Variants in SHANK2 observed in about 807,000 individuals in gnomAD.
SHANK2 encodes the protein SH3 and multiple ankyrin repeat domains protein 2.
SHANK2 carries 43 observed loss-of-function variants against 133.7 expected under a neutral mutation model. That is an observed-to-expected ratio of 0.32 (90% confidence interval 0.25 to 0.41). The LOEUF (loss-of-function observed/expected upper bound fraction) is 0.41, where lower values mean the gene tolerates loss of function less well. Ranked by LOEUF, SHANK2 falls within the 10% of genes least tolerant of loss-of-function variation. The pLI is 1.00. For missense variants in SHANK2, 1,994 were observed against 2,235.8 expected (o/e 0.89, Z 2.18); for synonymous variants, 1,017 against 952.8 (o/e 1.07, Z -1.24).
At chr11:70,612,118 G>A (rs1364960743) in intron 17 of SHANK2, among the ~76,000 whole-genome samples, 3 of 152,172 alleles carry the variant, frequency 2.0e-5, no homozygotes, top group Admixed American at 1.3e-4. Context: ...AGTTGCCTGC[G>A]ACTCCTGCCT....
At chr11:70,766,628 T>C (rs1217280726) in intron 14 of SHANK2, among the ~76,000 whole-genome samples, 3 of 152,200 alleles carry the variant, frequency 2.0e-5, no homozygotes, top group Non-Finnish European at 4.4e-5. Flanking sequence ...AATCAAACAA[T>C]AGAGCAGTGT....
chr11:70,816,332 G>A (rs541765951), intron 12 of SHANK2, among the ~76,000 whole-genome samples: 49 of 152,360 alleles, frequency 3.2e-4, no homozygotes, highest in African/African-American at 1.2e-3. Context: ...TAGCCCTGGC[G>A]GTCAGCACTG....
Position 70,748,908 on chromosome 11 carries a change from T to G in SHANK2, c.1777+49535A>C, listed in dbSNP as rs140929741. On this transcript the variant is annotated intron_variant, in intron 14 of 25. Coordinates refer to ENST00000601538, the MANE Select transcript of SHANK2 (RefSeq NM_012309.5). ...CAGATTAAAAGCCAGCACTGGAGAG[T>G]GCTGCCCTTAGGACACTGTAGAACA... is the stretch of plus-strand genomic sequence containing the variant. Among the ~76,000 whole-genome samples the G allele has an allele frequency of 7.2e-3, 1,092 of 152,172 alleles. 19 individuals carry two copies. Among genetic ancestry groups the G allele is most frequent in the African/African-American group, 0.025 (1,028 of 41,492 alleles).
intron 1 of SHANK2, among the ~76,000 whole-genome samples, chr11:71,226,361 CAGA>C (rs1187335381): frequency 3.3e-5 from 5 of 152,014 alleles, no homozygotes; most frequent in African/African-American, 9.7e-5. Context: ...TTTGAAATCC[CAGA>C]AGGAGAGAGA....
intron 14 of SHANK2, among the ~76,000 whole-genome samples, chr11:70,771,251 G>A (rs1439287938): frequency 3.3e-5 from 5 of 152,178 alleles, no homozygotes; most frequent in Admixed American, 6.5e-5. Flanking sequence ...ATAAAAGACG[G>A]CTTCTTGCCA....
intron 9 of SHANK2, among the ~76,000 whole-genome samples, chr11:71,059,090 G>A (rs1950956910): frequency 6.6e-6 from 1 of 152,190 alleles, no homozygotes; most frequent in Admixed American, 6.5e-5. Context: ...GGTGGCAGGT[G>A]CCTGTAATCC....
intron 7 of SHANK2, among the ~76,000 whole-genome samples, chr11:71,093,643 G>C (rs1461724165): frequency 8.5e-5 from 13 of 152,154 alleles, no homozygotes; most frequent in African/African-American, 2.9e-4. Context: ...CACCATGATT[G>C]GAAACTTCCT....
intron 14 of SHANK2, among the ~76,000 whole-genome samples, chr11:70,728,673 G>T (rs554430032): frequency 6.6e-6 from 1 of 152,290 alleles, no homozygotes; most frequent in African/African-American, 2.4e-5. Context: ...GACCATGGGT[G>T]GTCTTTCTTC....
At chr11:70,591,169 T>C (rs1409821296) in intron 17 of SHANK2, among the ~76,000 whole-genome samples, 1 of 151,934 alleles carries the variant, frequency 6.6e-6, no homozygotes, top group East Asian at 1.9e-4. Context: ...CTGGCCAACA[T>C]GGTGAAACCC....
At chr11:70,809,198 T>TGCGGCTGGCATCCTCCAACAGG (rs1948229365) in intron 12 of SHANK2, among the ~76,000 whole-genome samples, 1 of 152,200 alleles carries the variant, frequency 6.6e-6, no homozygotes, top group Non-Finnish European at 1.5e-5. Flanking sequence ...AGTGTCCACC[T>TGCGGCTGGCATCCTCCAACAGG]GCGGCTGGCA....
At chr11:71,071,156 C>T (rs1395359713) in intron 9 of SHANK2, among the ~76,000 whole-genome samples, 1 of 152,104 alleles carries the variant, frequency 6.6e-6, no homozygotes, top group Non-Finnish European at 1.5e-5. Context: ...TTTTTCCATC[C>T]AAAGCAGTAA....
chr11:70,907,095 G>A, intron 10 of SHANK2, among the ~76,000 whole-genome samples: 1 of 152,214 alleles, frequency 6.6e-6, no homozygotes, highest in East Asian at 1.9e-4. Context: ...CCGGCTCAGG[G>A]GAGTCGTGGG....
chr11:70,744,091 A>G (rs1197168335), intron 14 of SHANK2, among the ~76,000 whole-genome samples: 1 of 152,164 alleles, frequency 6.6e-6, no homozygotes, highest in Non-Finnish European at 1.5e-5. Context: ...GCTGCCACCA[A>G]TGTGTGGCTG....
intron 9 of SHANK2, among the ~76,000 whole-genome samples, chr11:71,060,089 C>T (rs1950970226): frequency 6.6e-6 from 1 of 152,194 alleles, no homozygotes; most frequent in Non-Finnish European, 1.5e-5. Flanking sequence ...ACCATGGTTT[C>T]CCCACCCTCT....
In SHANK2 at chr11:70,804,322, G is replaced by A. The variant is rs1304846003; in HGVS notation, c.1663+2680C>T. ...GCGGGCCACCCCACGATGGGGAGGA[G>A]GCACCGACAGCTCGGCAGGAAGGAA... On this transcript the variant is annotated intron_variant, in intron 13 of 25. Coordinates refer to ENST00000601538, the MANE Select transcript of SHANK2 (RefSeq NM_012309.5). This position sits in a 1 kb window ranked among gnomAD's most constrained non-coding sequence, Gnocchi z 4.1. Among the ~76,000 whole-genome samples, 1 of 152,228 alleles carries A rather than the reference G, an allele frequency of 6.6e-6. No homozygotes were observed. Among genetic ancestry groups the A allele is most frequent in the Non-Finnish European group, 1.5e-5 (1 of 68,028 alleles).
chr11:70,495,523 T>C lies in SHANK2; in HGVS notation c.2309-3058A>G, dbSNP rs2058956406. The stretch of plus-strand genomic sequence containing the variant: ...GCCTCAAGTGAGATGTGGCCGCTGG[T>C]GGCCCCCAGAGTATTTTTCTCCAAT... On this transcript the variant is annotated intron_variant, in intron 21 of 25. Transcript: ENST00000601538. 3.3e-5 allele frequency among the ~76,000 whole-genome samples: 5 copies of C among 152,222 alleles called. No homozygotes were observed. The South Asian group carries it at 1.0e-3, about 31-fold the overall frequency.
At chr11:70,751,941 C>T (rs964622346) in intron 14 of SHANK2, among the ~76,000 whole-genome samples, 3 of 151,076 alleles carry the variant, frequency 2.0e-5, no homozygotes, top group African/African-American at 4.9e-5. Context: ...CAAAAATTAT[C>T]GGGAAAGAAA....
intron 9 of SHANK2, among the ~76,000 whole-genome samples, chr11:71,064,580 A>G (rs1951024552): frequency 6.6e-6 from 1 of 152,052 alleles, no homozygotes; most frequent in Non-Finnish European, 1.5e-5. Context: ...GGGAAGACAG[A>G]CTGGAAGGAA....
intron 10 of SHANK2, among the ~76,000 whole-genome samples, chr11:70,934,414 A>C (rs971760808): frequency 1.2e-4 from 18 of 152,022 alleles, no homozygotes; most frequent in African/African-American, 4.3e-4. Context: ...TAAACAGCCC[A>C]GCCCCGCCCA....
Sources: allele counts gnomAD v4.1 joint callset (sites outside exome capture counted in the v4.1 genomes callset), GRCh38; gene constraint gnomAD v4.1.1; non-coding constraint Gnocchi (gnomAD v3.1); transcripts MANE v1.5; gene names NCBI Gene and HGNC (gene_info 2026-07-23, HGNC 2026-07-21).